SWI5: variants seen among roughly 807,000 people sequenced by gnomAD.
The protein encoded by SWI5 is DNA repair protein SWI5 homolog.
A neutral mutation model predicts 17.0 loss-of-function variants in SWI5; 12 were observed. The observed-to-expected ratio is 0.71, with a 90% CI of 0.45 to 1.14. The LOEUF (loss-of-function observed/expected upper bound fraction) is 1.14, where lower values mean the gene tolerates loss of function less well. SWI5 is among the 50% of genes most tolerant of loss of function. The pLI, the probability that SWI5 is intolerant of heterozygous loss-of-function variation, is 0.00. For synonymous variants in SWI5, 61 were observed against 64.0 expected, an observed-to-expected ratio of 0.95 and a Z score of 0.22; for missense variants, 158 against 162.2, an observed-to-expected ratio of 0.97 and a Z score of 0.14.
At chr9:128,281,348 T>C (rs1338280428) in intron 2 of SWI5, among the ~76,000 whole-genome samples, 2 of 152,100 alleles carry the variant, frequency 1.3e-5, no homozygotes, top group East Asian at 3.9e-4. Context: ...CCATGCTTTT[T>C]TTTCATCAGA....
chr9:128,287,722 C>T (rs1831670105), intron 4 of SWI5, among the ~76,000 whole-genome samples: 1 of 151,656 alleles, frequency 6.6e-6, no homozygotes, highest in Non-Finnish European at 1.5e-5. Context: ...CCACCACGCC[C>T]GGCTAATTTT....
At chr9:128,288,745 C>A in exon 5 of SWI5, 1 of 1,611,590 alleles carries the variant, frequency 6.2e-7, no homozygotes, top group Non-Finnish European at 8.5e-7. Context: ...GTCCACAGCT[C>A]CCAGGGACAG....
upstream of SWI5, chr9:128,275,491 CAGG>C: frequency 7.7e-7 from 1 of 1,304,674 alleles, no homozygotes; most frequent in Non-Finnish European, 9.8e-7. Context: ...TTTGGGGCGG[CAGG>C]AGGTGAGGGT....
chr9:128,286,342 C>G (rs1317092308), intron 4 of SWI5: 1 of 296,614 alleles, frequency 3.4e-6, no homozygotes, highest in Non-Finnish European at 6.4e-6. Flanking sequence ...ATCAAGATAC[C>G]GTCCATGCCT....
At chr9:128,281,217 C>T (rs374811985) in intron 2 of SWI5, among the ~76,000 whole-genome samples, 15 of 151,324 alleles carry the variant, frequency 9.9e-5, no homozygotes, top group African/African-American at 3.6e-4. Context: ...TTTGTATTTT[C>T]AGTAGAGACA....
At chr9:128,277,075 C>G (rs1831417520) in intron 2 of SWI5, among the ~76,000 whole-genome samples, 1 of 152,082 alleles carries the variant, frequency 6.6e-6, no homozygotes, top group Non-Finnish European at 1.5e-5. Flanking sequence ...CACCCCTCAC[C>G]CAGCCCTGCC....
chr9:128,275,811 A>G, upstream of SWI5: 1 of 734,566 alleles, frequency 1.4e-6, no homozygotes, highest in South Asian at 1.8e-5. Context: ...GTGCCTCAGG[A>G]GTGGCAGAGA....
chr9:128,280,525 A>C (rs1338961830), intron 2 of SWI5, among the ~76,000 whole-genome samples: 4 of 151,584 alleles, frequency 2.6e-5, no homozygotes, highest in East Asian at 3.9e-4. Context: ...AAAAAAAAAA[A>C]AAAAACAAGA....
intron 2 of SWI5, among the ~76,000 whole-genome samples, chr9:128,282,932 C>T (rs1246688361): frequency 6.6e-6 from 1 of 152,058 alleles, no homozygotes; most frequent in Non-Finnish European, 1.5e-5. Flanking sequence ...AATCCCAGCA[C>T]CTGGGGAGGC....
chr9:128,276,061 A>C, upstream of SWI5: 1 of 1,580,682 alleles, frequency 6.3e-7, no homozygotes, highest in Admixed American at 2.0e-5. Context: ...AACCAGGGCG[A>C]TACTGGAGCG....
upstream of SWI5, chr9:128,275,823 T>C (rs1250293517): frequency 7.4e-6 from 6 of 814,850 alleles, no homozygotes; most frequent in African/African-American, 3.6e-5. Context: ...TGGCAGAGAC[T>C]CTGGCCATGG....
chr9:128,280,028 A>G (rs1420937775), intron 2 of SWI5, among the ~76,000 whole-genome samples: 4 of 152,188 alleles, frequency 2.6e-5, no homozygotes, highest in Admixed American at 6.5e-5. Flanking sequence ...AAAGCTAATG[A>G]TTAATAGTGT....
chr9:128,275,953 A>C, upstream of SWI5: 2 of 1,572,992 alleles, frequency 1.3e-6, no homozygotes, highest in Non-Finnish European at 1.7e-6. Flanking sequence ...CGGGGCGGGG[A>C]GGGAGGCGGG....
upstream of SWI5, chr9:128,276,097 T>C: frequency 6.4e-7 from 1 of 1,571,064 alleles, no homozygotes; most frequent in Non-Finnish European, 8.6e-7. Flanking sequence ...GCCTCAAAGA[T>C]CAAAGCCCAT....
At chr9:128,281,028 C>CTTTTTTTTTTT (rs11306272) in intron 2 of SWI5, among the ~76,000 whole-genome samples, 1 of 43,758 alleles carries the variant, frequency 2.3e-5, no homozygotes, top group Admixed American at 4.2e-4. Context: ...TTCAACCATG[C>CTTTTTTTTTTT]TTTTTTTTTT....
At chr9:128,287,458 A>G (rs1171471550) in intron 4 of SWI5, among the ~76,000 whole-genome samples, 1 of 151,396 alleles carries the variant, frequency 6.6e-6, no homozygotes, top group Admixed American at 6.6e-5. Context: ...ATCTCAAAAA[A>G]AAAAAAAAGA....
chr9:128,278,493 G>C, intron 2 of SWI5: 1 of 365,896 alleles, frequency 2.7e-6, no homozygotes, highest in Non-Finnish European at 5.4e-6. Flanking sequence ...CTTGAACCCA[G>C]GGGGTGGAGG....
intron 4 of SWI5, chr9:128,286,577 G>C (rs1831642948): frequency 6.5e-6 from 1 of 153,786 alleles, no homozygotes; most frequent in Admixed American, 6.4e-5. Flanking sequence ...TTGGAGTGCT[G>C]GGTACTCTGA....
chr9:128,277,159 A>C (rs1400739421), intron 2 of SWI5, among the ~76,000 whole-genome samples: 1 of 152,110 alleles, frequency 6.6e-6, no homozygotes, highest in Non-Finnish European at 1.5e-5. Context: ...CGTTGCTAAT[A>C]GTCTCTCCTC....
Sources: gnomAD v4.1 joint callset for allele counts (sites outside exome capture counted in the v4.1 genomes callset) on GRCh38, gnomAD v4.1.1 for gene constraint, MANE v1.5 for transcripts, NCBI Gene and HGNC (gene_info 2026-07-23, HGNC 2026-07-21) for gene names.